The following KCNH8 variants were observed in gnomAD, a reference collection of about 807,000 sequenced individuals.
The protein encoded by KCNH8 is potassium voltage-gated channel subfamily H member 8, also known as voltage-gated delayed rectifier potassium channel KCNH8.
A neutral mutation model predicts 103.6 loss-of-function variants in KCNH8; 70 were observed. The observed-to-expected ratio is 0.68, with a 90% CI of 0.56 to 0.82. The LOEUF is 0.82. Ranked by LOEUF, KCNH8 falls within the 40% of genes least tolerant of loss-of-function variation. The probability of loss-of-function intolerance (pLI) is 0.00; values close to 1 mark genes in which losing one functional copy is unlikely to be tolerated. For synonymous variants in KCNH8, 498 were observed against 489.4 expected (o/e 1.02, Z -0.23); for missense variants, 1,217 against 1,329.9 (o/e 0.92, Z 1.32).
At chr3:19,368,611 TC>T (rs902203063) in intron 5 of KCNH8, among the ~76,000 whole-genome samples, 2 of 152,126 alleles carry the variant, frequency 1.3e-5, no homozygotes, top group East Asian at 3.9e-4. Context: ...GAGACCGTCC[TC>T]AAATAAGGCC....
intron 3 of KCNH8, among the ~76,000 whole-genome samples, chr3:19,327,187 G>A (rs1192075926): frequency 1.3e-5 from 2 of 152,128 alleles, no homozygotes; most frequent in Admixed American, 1.3e-4. Context: ...AAAGTCACAG[G>A]ACCAGCTCAA....
chr3:19,499,516 A>G (rs939551870), intron 11 of KCNH8, among the ~76,000 whole-genome samples: 11 of 152,322 alleles, frequency 7.2e-5, no homozygotes, highest in Admixed American at 2.0e-4. Context: ...AAATGAAGGA[A>G]AAAATGTTAA....
intron 7 of KCNH8, among the ~76,000 whole-genome samples, chr3:19,429,783 C>T (rs2067092347): frequency 6.6e-6 from 1 of 151,986 alleles, no homozygotes; most frequent in East Asian, 2.0e-4. Context: ...TCCATGTGTT[C>T]TCATCATTTA....
chr3:19,464,750 A>G (rs776086046), intron 11 of KCNH8, among the ~76,000 whole-genome samples: 12 of 152,108 alleles, frequency 7.9e-5, no homozygotes, highest in Non-Finnish European at 1.6e-4. Context: ...TGATATCCAA[A>G]TGGCCACTTG....
intron 1 of KCNH8, among the ~76,000 whole-genome samples, chr3:19,234,366 A>G (rs961533137): frequency 6.6e-6 from 1 of 152,216 alleles, no homozygotes; most frequent in African/African-American, 2.4e-5. Context: ...CCGGCCGCAC[A>G]GGAGCCCACG....
At chr3:19,224,581 G>A (rs944740495) in intron 1 of KCNH8, among the ~76,000 whole-genome samples, 18 of 134,272 alleles carry the variant, frequency 1.3e-4, no homozygotes, top group African/African-American at 5.3e-4. Context: ...TTTTTTTTGA[G>A]AGAGGCTGGA....
At chr3:19,405,451 C>T (rs2066677519) in intron 7 of KCNH8, among the ~76,000 whole-genome samples, 1 of 151,624 alleles carries the variant, frequency 6.6e-6, no homozygotes, top group Admixed American at 6.6e-5. Flanking sequence ...ATAAATTTCT[C>T]CCTGACTTCT....
intron 1 of KCNH8, among the ~76,000 whole-genome samples, chr3:19,229,530 C>T (rs940343224): frequency 2.6e-5 from 4 of 152,232 alleles, no homozygotes; most frequent in African/African-American, 7.2e-5. Context: ...CTCCTTTCAG[C>T]CACTGCTGGA....
At chr3:19,397,274 G>A (rs1012280802) in intron 7 of KCNH8, among the ~76,000 whole-genome samples, 4 of 151,852 alleles carry the variant, frequency 2.6e-5, no homozygotes, top group Admixed American at 2.0e-4. Flanking sequence ...TGAAGTAGTG[G>A]CAAGAAGAGC....
At chr3:19,490,656 G>A (rs982765726) in intron 11 of KCNH8, among the ~76,000 whole-genome samples, 1 of 152,106 alleles carries the variant, frequency 6.6e-6, no homozygotes. Context: ...TTTCTTTGGA[G>A]GCAGAAATTG....
chr3:19,432,224 A>G (rs929328460), intron 7 of KCNH8, among the ~76,000 whole-genome samples: 3 of 152,160 alleles, frequency 2.0e-5, no homozygotes, highest in Non-Finnish European at 4.4e-5. Context: ...TTGGAAAAAA[A>G]CGTGATTAGA....
chr3:19,481,631 T>C (rs536831446), intron 11 of KCNH8, among the ~76,000 whole-genome samples: 5 of 152,334 alleles, frequency 3.3e-5, no homozygotes, highest in African/African-American at 9.6e-5. Flanking sequence ...ATGTCTGTAA[T>C]GTATCACATT....
At chr3:19,288,476 T>C (rs144014698) in intron 3 of KCNH8, among the ~76,000 whole-genome samples, 5,315 of 151,438 alleles carry the variant, frequency 0.035, 139 homozygotes, top group Non-Finnish European at 0.049. Context: ...TGAGAACATA[T>C]GGTGTTTGGT....
At chr3:19,323,038 T>C (rs1011497268) in intron 3 of KCNH8, among the ~76,000 whole-genome samples, 6 of 152,194 alleles carry the variant, frequency 3.9e-5, no homozygotes, top group African/African-American at 1.4e-4. Flanking sequence ...TTTCCAGAAA[T>C]TGTGATTGTT....
intron 1 of KCNH8, among the ~76,000 whole-genome samples, chr3:19,204,728 A>G (rs113717798): frequency 0.02 from 2,996 of 152,236 alleles, 96 homozygotes; most frequent in African/African-American, 0.067. Context: ...CAAACAATGC[A>G]GAAAATTATT....
At chr3:19,382,597 G>A (rs1306954752) in intron 5 of KCNH8, among the ~76,000 whole-genome samples, 6 of 152,116 alleles carry the variant, frequency 3.9e-5, no homozygotes, top group Non-Finnish European at 8.8e-5. Context: ...ATGTGACGCA[G>A]TCTTAGATTA....
At chr3:19,236,574 AG>A (rs2064068935) in intron 1 of KCNH8, among the ~76,000 whole-genome samples, 1 of 152,226 alleles carries the variant, frequency 6.6e-6, no homozygotes, top group Admixed American at 6.5e-5. Context: ...TTGTAGTATT[AG>A]GTAGAACTGT....
At chr3:19,521,617 A>C (rs573060409) in intron 15 of KCNH8, among the ~76,000 whole-genome samples, 4 of 152,022 alleles carry the variant, frequency 2.6e-5, no homozygotes, top group Admixed American at 1.3e-4. Flanking sequence ...AAATGAATGG[A>C]CCTAAGAAGA....
chr3:19,411,204 G>T (rs567511178), intron 7 of KCNH8, among the ~76,000 whole-genome samples: 1 of 152,052 alleles, frequency 6.6e-6, no homozygotes. Context: ...TGCAAGGTTC[G>T]TTCCGCATGC....
Sources: gnomAD v4.1 joint callset for allele counts (sites outside exome capture counted in the v4.1 genomes callset) on GRCh38, gnomAD v4.1.1 for gene constraint, MANE v1.5 for transcripts, NCBI Gene and HGNC (gene_info 2026-07-23, HGNC 2026-07-21) for gene names.